RS1: variants seen among roughly 807,000 people sequenced by gnomAD.
RS1 encodes retinoschisin 1.
Under a neutral mutation model 20.8 loss-of-function variants are expected in RS1, and 2 were observed. The observed-to-expected ratio is 0.10, with a 90% CI of 0.04 to 0.30. RS1 has a LOEUF of 0.30. Among genes scored for constraint, RS1 ranks in the 10% least tolerant of loss-of-function variants. The pLI is 1.00. For missense variants in RS1, 151 were observed against 189.8 expected, an observed-to-expected ratio of 0.80 and a Z score of 1.20; for synonymous variants, 70 against 75.8, an observed-to-expected ratio of 0.92 and a Z score of 0.40.
At chrX:18,660,504 C>T (rs193107530) in intron 1 of RS1, among the ~76,000 whole-genome samples, 1 of 111,424 alleles carries the variant, frequency 9.0e-6, no homozygotes, top group Admixed American at 9.6e-5. Context: ...CCACCACACC[C>T]GGCCTTCCCA....
At chrX:18,661,042 A>G (rs1928299526) in intron 1 of RS1, among the ~76,000 whole-genome samples, 1 of 112,148 alleles carries the variant, frequency 8.9e-6, no homozygotes. Flanking sequence ...CTTCTCAAGT[A>G]GCAATGAAGG....
intron 5 of RS1, 65 bp downstream of exon 5, chrX:18,644,365 C>G: frequency 1.9e-6 from 2 of 1,052,705 alleles, no homozygotes; most frequent in Non-Finnish European, 2.7e-6. Flanking sequence ...GACAGGAGCT[C>G]GGGGACAGGA....
At chrX:18,652,537 T>C (rs1482722385) in intron 3 of RS1, among the ~76,000 whole-genome samples, 1 of 111,222 alleles carries the variant, frequency 9.0e-6, no homozygotes, top group Non-Finnish European at 1.9e-5. Flanking sequence ...AGCGCAGTGG[T>C]TGGCACCTGT....
chrX:18,649,853 G>C (rs147249239), intron 3 of RS1, among the ~76,000 whole-genome samples: 2,187 of 112,071 alleles, frequency 0.02, 28 homozygotes, highest in Middle Eastern at 0.06. Context: ...GAGCGATCAG[G>C]GGGAGGGGCA....
At chrX:18,670,223 C>G (rs1602325336) in intron 1 of RS1, among the ~76,000 whole-genome samples, 2 of 78,608 alleles carry the variant, frequency 2.5e-5, no homozygotes, top group Non-Finnish European at 4.8e-5. Context: ...ATGTCAAGTC[C>G]TTTTTTTTTT....
intron 4 of RS1, chrX:18,646,186 C>G (rs1256776743): frequency 8.6e-7 from 1 of 1,162,916 alleles, no homozygotes. Context: ...GAGTCTTGCT[C>G]TGTCGCCCAG....
chrX:18,663,336 C>CTTTTT (rs56314934), intron 1 of RS1, among the ~76,000 whole-genome samples: 1 of 28,291 alleles, frequency 3.5e-5, no homozygotes, highest in Admixed American at 5.9e-4. Flanking sequence ...CTGTGCCTGG[C>CTTTTT]TTTTTTTTTT....
intron 1 of RS1, among the ~76,000 whole-genome samples, chrX:18,661,171 G>A (rs1183428645): frequency 8.9e-6 from 1 of 112,053 alleles, no homozygotes; most frequent in Non-Finnish European, 1.9e-5. Flanking sequence ...GTAAGATGTG[G>A]GGCCTTTGGG....
In RS1 at chrX:18,639,936, T is replaced by C. The variant is rs1927504932; in HGVS notation, c.*2068A>G. On this transcript the variant is annotated 3_prime_UTR_variant, in exon 6 of 6. Coordinates refer to ENST00000379984, the MANE Select transcript of RS1 (RefSeq NM_000330.4). ...ACCACATACTATATGATTTCATTTA[T>C]GTAGAACGTCCAGAAGGCCAATCTA... 8.9e-6 allele frequency: 1 copy of C among 112,073 alleles called. No individual in the cohort carries two copies. The highest frequency in any genetic ancestry group is 3.7e-4 in the South Asian group (1 of 2,693). 9.2% of individuals were successfully genotyped at this position (112,073 alleles called of 1,213,427 possible). A position where few individuals can be genotyped will look rare whatever the true frequency, so the allele number is the denominator to read the frequency against.
intron 1 of RS1, among the ~76,000 whole-genome samples, chrX:18,658,922 T>C (rs1336924472): frequency 1.8e-5 from 2 of 111,584 alleles, no homozygotes; most frequent in African/African-American, 6.5e-5. Context: ...AATTATTTTA[T>C]AGGTTTGTCT....
chrX:18,669,580 T>C (rs1928460778), intron 1 of RS1, among the ~76,000 whole-genome samples: 1 of 110,037 alleles, frequency 9.1e-6, no homozygotes, highest in Non-Finnish European at 1.9e-5. Context: ...GTGAAGGCAA[T>C]TTCTTTACCT....
intron 3 of RS1, among the ~76,000 whole-genome samples, chrX:18,648,203 G>C (rs1318233738): frequency 9.0e-6 from 1 of 110,743 alleles, no homozygotes; most frequent in East Asian, 2.9e-4. Flanking sequence ...GTCAGAGGCT[G>C]CCAATTTTCA....
In RS1 at chrX:18,647,253, C is replaced by G. The variant is rs201680258; in HGVS notation, c.264G>C (p.Gln88His). 2.8e-4 allele frequency: 334 copies of G among 1,208,929 alleles called. No individual in the cohort carries two copies. The highest frequency in any genetic ancestry group is 3.5e-4 in the Non-Finnish European group (311 of 894,942). ...TCCACGAAGAATACCAGCCCACATACTGCTCCGGGTTAGAGCAGGTGATCT... is the reference window on the plus strand; with the variant it reads ...TCCACGAAGAATACCAGCCCACATAGTGCTCCGGGTTAGAGCAGGTGATCT... Reference protein sequence around the residue: ...PDQITCSNPEQYVGWYSSWTA... With the variant: ...PDQITCSNPEHYVGWYSSWTA... Residue 88 changes from glutamine (Q) to histidine (H), a missense_variant, in exon 4 of 6, where the codon CAG (glutamine) becomes CAC (histidine). Coordinates refer to ENST00000379984, the MANE Select transcript of RS1 (RefSeq NM_000330.4).
intron 1 of RS1, among the ~76,000 whole-genome samples, chrX:18,658,340 AT>A (rs1283800062): frequency 9.0e-6 from 1 of 111,545 alleles, no homozygotes; most frequent in Non-Finnish European, 1.9e-5. Context: ...ATTTCCTGTC[AT>A]TTTTCTATGT....
At chrX:18,655,010 C>T (rs760017328) in intron 3 of RS1, among the ~76,000 whole-genome samples, 59 of 87,232 alleles carry the variant, frequency 6.8e-4, no homozygotes, top group African/African-American at 2.1e-3. Flanking sequence ...GGAGAGGCAG[C>T]AAGGCCGGTT....
intron 1 of RS1, among the ~76,000 whole-genome samples, chrX:18,660,117 A>G (rs1928285267): frequency 9.0e-6 from 1 of 111,664 alleles, no homozygotes; most frequent in African/African-American, 3.3e-5. Context: ...TGTGCCATGT[A>G]AAACTTATTA....
rs192454467 is a variant in RS1 at position 18,643,874 on chromosome X, A to G, written c.522+556T>C. On this transcript the variant is annotated intron_variant, in intron 5 of 5. Transcript: ENST00000379984. ...GTCAGGAGTCTACTGCGTTTAGTCA[A>G]TGGTGAAGAAGACTTCTGTCTCAAT... Among the ~76,000 whole-genome samples, 52 of 110,977 alleles carry G rather than the reference A, an allele frequency of 4.7e-4. 1 individual carries two copies. Among genetic ancestry groups the G allele is most frequent in the African/African-American group, 1.6e-3 (50 of 30,495 alleles).
rs1245796195 is a variant in RS1, at chrX:18,653,347, T to C, written c.184+3306A>G. 4 of 1,171,774 alleles carry C rather than the reference T, an allele frequency of 3.4e-6. No homozygotes were observed. In the East Asian group the frequency reaches 1.3e-4, roughly 37 times the overall value. On this transcript the variant is annotated intron_variant, in intron 3 of 5. Transcript: ENST00000379984. Reference sequence around the variant, plus strand: ...AGAATGCATGTGGCCTTCTGCTCCGTGGGGGGCCCGGGCATTAGCCAGAGT... The same window carrying C: ...AGAATGCATGTGGCCTTCTGCTCCGCGGGGGGCCCGGGCATTAGCCAGAGT...
intron 3 of RS1, among the ~76,000 whole-genome samples, chrX:18,648,920 C>T (rs1449462370): frequency 9.2e-6 from 1 of 108,984 alleles, no homozygotes; most frequent in Non-Finnish European, 1.9e-5. Context: ...TCGTGGCTCA[C>T]GTCTATAGTC....
Sources: allele counts gnomAD v4.1 joint callset (sites outside exome capture counted in the v4.1 genomes callset), GRCh38; gene constraint gnomAD v4.1.1; transcripts MANE v1.5; gene names NCBI Gene and HGNC (gene_info 2026-07-23, HGNC 2026-07-21).